Variants in TESC observed in about 807,000 individuals in gnomAD.
TESC encodes the protein calcineurin B homologous protein 3.
Under a neutral mutation model 31.0 loss-of-function variants are expected in TESC, and 19 were observed. That is an observed-to-expected ratio of 0.61 (90% CI 0.43 to 0.90). The LOEUF (loss-of-function observed/expected upper bound fraction) is 0.90, where lower values mean the gene tolerates loss of function less well. TESC is among the 40% of genes least tolerant of loss of function. The probability of loss-of-function intolerance (pLI) is 0.00; values close to 1 mark genes in which losing one functional copy is unlikely to be tolerated. For synonymous variants in TESC, 109 were observed against 114.8 expected (o/e 0.95, Z 0.32); for missense variants, 248 against 303.8 (o/e 0.82, Z 1.36).
intron 2 of TESC, 30 bp from the exon 3 acceptor site, chr12:117,056,916 AGAG>A (rs1337799139): frequency 6.2e-7 from 1 of 1,610,986 alleles, no homozygotes; most frequent in South Asian, 1.1e-5. Context: ...GATACCGGGA[AGAG>A]AATAAGGAAA....
chr12:117,093,629 CA>C (rs1955345512), intron 1 of TESC, among the ~76,000 whole-genome samples: 1 of 152,234 alleles, frequency 6.6e-6, no homozygotes, highest in Non-Finnish European at 1.5e-5. Context: ...TCAATGTCTG[CA>C]TCTGTAAAAT....
At chr12:117,058,086 G>A (rs1298573799) in intron 2 of TESC, among the ~76,000 whole-genome samples, 5 of 152,196 alleles carry the variant, frequency 3.3e-5, no homozygotes, top group Non-Finnish European at 5.9e-5. Context: ...CGGGTGTGGT[G>A]GCGCACATCT....
chr12:117,099,383 G>A lies in TESC; in HGVS notation c.-101C>T, dbSNP rs559386138. 375 of 1,194,564 alleles carry A rather than the reference G, an allele frequency of 3.1e-4. 2 individuals are homozygous for A. The African/African-American group carries it at 4.7e-3, about 15-fold the overall frequency. The allele number at this position is 1,194,564 out of a possible 1,614,324, so 74.0% of individuals were successfully genotyped here. ...CTGGCCTCGGGTCCGGCCTCGGGTC[G>A]GGACGCCGGCGAAGGCTCGGAGCCG... On this transcript the variant is annotated 5_prime_UTR_variant, in exon 1 of 8. Coordinates refer to ENST00000335209, the MANE Select transcript of TESC (RefSeq NM_017899.4).
chr12:117,055,562 C>T (rs964250314), intron 3 of TESC, among the ~76,000 whole-genome samples: 1 of 152,208 alleles, frequency 6.6e-6, no homozygotes, highest in Non-Finnish European at 1.5e-5. Context: ...GACCTAGTGA[C>T]TCACTTCTAA....
Position 117,046,539 on chromosome 12 carries a change from A to T in TESC, c.519+20T>A. ...CGGGAAAGGCACTGCGCGTCTCGGGAGGGCTGCAGGGGCGCTCACCATCTG... is the reference window on the plus strand; with the variant it reads ...CGGGAAAGGCACTGCGCGTCTCGGGTGGGCTGCAGGGGCGCTCACCATCTG... On this transcript the variant is annotated intron_variant, in intron 6 of 7. Coordinates refer to ENST00000335209, the MANE Select transcript of TESC (RefSeq NM_017899.4). The T allele has an allele frequency of 6.5e-7, 1 of 1,541,008 alleles. No individual in the cohort carries two copies. The highest frequency in any genetic ancestry group is 1.2e-5 in the South Asian group (1 of 83,624).
intron 2 of TESC, among the ~76,000 whole-genome samples, chr12:117,071,790 G>A (rs560468966): frequency 6.6e-5 from 10 of 152,258 alleles, no homozygotes; most frequent in Admixed American, 1.3e-4. Context: ...GTAGGAGTCC[G>A]GCGCCATCAG....
intron 1 of TESC, chr12:117,098,616 G>T (rs1449647622): frequency 1.3e-5 from 2 of 152,266 alleles, no homozygotes; most frequent in Non-Finnish European, 2.9e-5. Flanking sequence ...GAGACTCAGC[G>T]AACTCAGGGG....
At chr12:117,098,031 G>C (rs1955418691) in intron 1 of TESC, among the ~76,000 whole-genome samples, 1 of 152,130 alleles carries the variant, frequency 6.6e-6, no homozygotes, top group Admixed American at 6.5e-5. Context: ...ACACACACCA[G>C]TTATTAATGG....
intron 1 of TESC, among the ~76,000 whole-genome samples, chr12:117,087,954 C>T (rs1593024663): frequency 1.3e-5 from 2 of 152,324 alleles, no homozygotes; most frequent in African/African-American, 4.8e-5. Flanking sequence ...AGGGTGCCTC[C>T]CTTTAGGGCC....
rs1954610700 is a variant in TESC, at chr12:117,049,121, T to C, written c.247A>G (p.Ile83Val). The part of the protein sequence containing the change: ...RKGPSGLADE[I>V]NFEDFLTIMS... ...ATGGTCAGGAAGTCCTCGAAATTGA[T>C]CTCATCAGCCAGGCCACTGGGTCCC... The change falls in exon 4 of 8, where the codon ATC becomes GTC. Residue 83 changes from isoleucine to valine, a missense_variant. Coordinates refer to ENST00000335209, the MANE Select transcript of TESC (RefSeq NM_017899.4). The C allele has an allele frequency of 1.9e-6, 3 of 1,614,180 alleles. No individual in the cohort carries two copies. Among genetic ancestry groups the C allele is most frequent in the South Asian group, 1.1e-5 (1 of 91,082 alleles).
intron 6 of TESC, chr12:117,046,357 T>C: frequency 3.4e-6 from 2 of 595,648 alleles, no homozygotes; most frequent in Non-Finnish European, 2.9e-6. Flanking sequence ...TCTGCTTCCC[T>C]GCCTTATGCA....
chr12:117,060,532 A>T (rs1954788044), intron 2 of TESC, among the ~76,000 whole-genome samples: 1 of 152,196 alleles, frequency 6.6e-6, no homozygotes, highest in Admixed American at 6.5e-5. Flanking sequence ...CAGGGTTACC[A>T]GGGAGATGAT....
chr12:117,075,944 T>C, intron 1 of TESC, among the ~76,000 whole-genome samples: 1 of 114,276 alleles, frequency 8.8e-6, no homozygotes, highest in African/African-American at 4.1e-5. Context: ...TATATATGTA[T>C]ATATACATAT....
At chr12:117,090,918 T>A (rs1019983972) in intron 1 of TESC, among the ~76,000 whole-genome samples, 1 of 152,196 alleles carries the variant, frequency 6.6e-6, no homozygotes, top group Non-Finnish European at 1.5e-5. Context: ...CTTTGGCCTC[T>A]ACAGCCCCCC....
intron 6 of TESC, among the ~76,000 whole-genome samples, chr12:117,042,786 G>A (rs1234814960): frequency 6.6e-6 from 1 of 152,120 alleles, no homozygotes; most frequent in African/African-American, 2.4e-5. Flanking sequence ...GACATCCCAG[G>A]TGCCCGTCAA....
At chr12:117,093,387 C>T (rs1298290321) in intron 1 of TESC, among the ~76,000 whole-genome samples, 1 of 152,264 alleles carries the variant, frequency 6.6e-6, no homozygotes, top group Non-Finnish European at 1.5e-5. Flanking sequence ...AGCTCCTTCT[C>T]CAAATGAGAT....
At chr12:117,075,865 ATATATGTGTG>A (rs1955048696) in intron 1 of TESC, among the ~76,000 whole-genome samples, 3 of 43,836 alleles carry the variant, frequency 6.8e-5, no homozygotes, top group African/African-American at 3.5e-4. Context: ...ATATATATAT[ATATATGTGTG>A]TATATATATA....
chr12:117,077,333 T>C (rs2135788301), intron 1 of TESC, among the ~76,000 whole-genome samples: 1 of 152,336 alleles, frequency 6.6e-6, no homozygotes, highest in South Asian at 2.1e-4. Flanking sequence ...GTGCAATTTC[T>C]ACCTTTCTGC....
At chr12:117,068,351 G>A (rs553178276) in intron 2 of TESC, among the ~76,000 whole-genome samples, 4 of 152,270 alleles carry the variant, frequency 2.6e-5, no homozygotes, top group African/African-American at 9.6e-5. Context: ...CCAACATGGT[G>A]AAACCTTGCC....
Sources: gnomAD v4.1 joint callset for allele counts (sites outside exome capture counted in the v4.1 genomes callset) on GRCh38, gnomAD v4.1.1 for gene constraint, MANE v1.5 for transcripts, NCBI Gene and HGNC (gene_info 2026-07-23, HGNC 2026-07-21) for gene names.